IGSF21: variants seen among roughly 807,000 people sequenced by gnomAD.
IGSF21 encodes immunoglobin superfamily member 21.
A neutral mutation model predicts 46.8 loss-of-function variants in IGSF21; 28 were observed. That is an observed-to-expected ratio of 0.60 (90% confidence interval 0.44 to 0.82). IGSF21 has a LOEUF of 0.82. Ranked by LOEUF, IGSF21 falls within the 40% of genes least tolerant of loss-of-function variation. The pLI, the probability that IGSF21 is intolerant of heterozygous loss-of-function variation, is 0.00. For synonymous variants in IGSF21, 284 were observed against 273.6 expected (o/e 1.04, Z -0.38); for missense variants, 624 against 665.5 (o/e 0.94, Z 0.69).
chr1:18,116,959 T>C (rs991010999), intron 1 of IGSF21, among the ~76,000 whole-genome samples: 7 of 152,164 alleles, frequency 4.6e-5, no homozygotes, highest in Non-Finnish European at 7.3e-5. Flanking sequence ...GTGCAGGTCC[T>C]GGTTGAGAAG....
intron 1 of IGSF21, among the ~76,000 whole-genome samples, chr1:18,143,228 C>T (rs2086434478): frequency 1.3e-5 from 2 of 152,178 alleles, no homozygotes; most frequent in Admixed American, 1.3e-4. Context: ...TCATTGGGCC[C>T]TTCTGTCGGG....
At chr1:18,209,885 GC>G (rs2084371750) in intron 1 of IGSF21, among the ~76,000 whole-genome samples, 1 of 151,960 alleles carries the variant, frequency 6.6e-6, no homozygotes, top group African/African-American at 2.4e-5. Flanking sequence ...TTGCCTTGAG[GC>G]CCCAGGCCTT....
At chr1:18,181,290 T>G (rs1257444229) in intron 1 of IGSF21, among the ~76,000 whole-genome samples, 1 of 152,230 alleles carries the variant, frequency 6.6e-6, no homozygotes, top group African/African-American at 2.4e-5. Flanking sequence ...CAAATAGACA[T>G]AAGCCACTGC....
chr1:18,159,149 A>G (rs2086593996), intron 1 of IGSF21, among the ~76,000 whole-genome samples: 1 of 152,178 alleles, frequency 6.6e-6, no homozygotes. Context: ...GTTCTGTTCT[A>G]TTGACCCACT....
intron 2 of IGSF21, among the ~76,000 whole-genome samples, chr1:18,245,198 C>CT (rs1221553744): frequency 6.6e-6 from 1 of 152,036 alleles, no homozygotes; most frequent in Non-Finnish European, 1.5e-5. Flanking sequence ...GATAAATATT[C>CT]TTTTTTGTTA....
chr1:18,158,929 G>T (rs778249481), intron 1 of IGSF21, among the ~76,000 whole-genome samples: 1 of 152,200 alleles, frequency 6.6e-6, no homozygotes, highest in Admixed American at 6.5e-5. Flanking sequence ...GGAGATGGGC[G>T]TTACCCCCAG....
At chr1:18,237,056 A>C (rs1275729040) in intron 2 of IGSF21, among the ~76,000 whole-genome samples, 1 of 152,220 alleles carries the variant, frequency 6.6e-6, no homozygotes, top group Non-Finnish European at 1.5e-5. Flanking sequence ...GCTTCTATTG[A>C]ATCCACTCCT....
At chr1:18,151,417 C>G (rs545367679) in intron 1 of IGSF21, among the ~76,000 whole-genome samples, 1 of 152,298 alleles carries the variant, frequency 6.6e-6, no homozygotes, top group South Asian at 2.1e-4. Flanking sequence ...CCGCTGGATC[C>G]TCTGTATTCA....
intron 1 of IGSF21, among the ~76,000 whole-genome samples, chr1:18,126,803 T>TC (rs2086277758): frequency 1.3e-5 from 2 of 151,812 alleles, no homozygotes; most frequent in East Asian, 3.9e-4. Flanking sequence ...TGAGGCTTCC[T>TC]CCCCCCACAC....
At chr1:18,135,409 C>G (rs1027110720) in intron 1 of IGSF21, among the ~76,000 whole-genome samples, 9 of 143,590 alleles carry the variant, frequency 6.3e-5, no homozygotes, top group Non-Finnish European at 1.4e-4. Flanking sequence ...TATCCCTCCC[C>G]CCTCCCCCAA....
intron 1 of IGSF21, among the ~76,000 whole-genome samples, chr1:18,154,946 CTG>C (rs1271685824): frequency 6.6e-6 from 1 of 151,958 alleles, no homozygotes; most frequent in African/African-American, 2.4e-5. Flanking sequence ...GGAGGGCAGA[CTG>C]TGAAGTGCAG....
chr1:18,213,960 T>A (rs2084418164), intron 1 of IGSF21, among the ~76,000 whole-genome samples: 1 of 152,006 alleles, frequency 6.6e-6, no homozygotes, highest in African/African-American at 2.4e-5. Flanking sequence ...CACCCATCCA[T>A]AAAATGGGAA....
intron 1 of IGSF21, among the ~76,000 whole-genome samples, chr1:18,177,427 G>A (rs9662457): frequency 0.35 from 31,918 of 90,092 alleles, 4,255 homozygotes; most frequent in Middle Eastern, 0.44. Context: ...GTGTGTGTGT[G>A]TGTGTGTGTA....
intron 1 of IGSF21, among the ~76,000 whole-genome samples, chr1:18,220,870 T>TGA (rs1397736351): frequency 6.6e-6 from 1 of 152,044 alleles, no homozygotes; most frequent in East Asian, 1.9e-4. Context: ...CCCTGGATGA[T>TGA]GAGTGAGAGG....
chr1:18,119,743 A>C (rs2086218339), intron 1 of IGSF21, among the ~76,000 whole-genome samples: 1 of 133,196 alleles, frequency 7.5e-6, no homozygotes, highest in African/African-American at 2.8e-5. Context: ...CAGAGGGGGC[A>C]AGGCTTTTAA....
At chr1:18,160,367 C>T (rs920549985) in intron 1 of IGSF21, among the ~76,000 whole-genome samples, 7 of 152,144 alleles carry the variant, frequency 4.6e-5, no homozygotes, top group South Asian at 2.1e-4. Flanking sequence ...GCACTTCAAG[C>T]GCTCACAGCA....
chr1:18,172,409 T>C (rs1052332741), intron 1 of IGSF21, among the ~76,000 whole-genome samples: 1 of 152,222 alleles, frequency 6.6e-6, no homozygotes, highest in Non-Finnish European at 1.5e-5. Flanking sequence ...ACACATATCA[T>C]AGACTGTGTG....
intron 2 of IGSF21, among the ~76,000 whole-genome samples, chr1:18,262,963 G>A (rs1455244118): frequency 6.6e-6 from 1 of 152,196 alleles, no homozygotes; most frequent in African/African-American, 2.4e-5. Context: ...CCCCGGGGTA[G>A]CTCCCAGCCC....
intron 1 of IGSF21, among the ~76,000 whole-genome samples, chr1:18,141,451 G>A (rs2086414535): frequency 6.6e-6 from 1 of 152,146 alleles, no homozygotes; most frequent in Admixed American, 6.5e-5. Flanking sequence ...CTGTCATCAA[G>A]TTCTCAGCAG....
Sources: gnomAD v4.1 joint callset for allele counts (sites outside exome capture counted in the v4.1 genomes callset) on GRCh38, gnomAD v4.1.1 for gene constraint, MANE v1.5 for transcripts, NCBI Gene and HGNC (gene_info 2026-07-23, HGNC 2026-07-21) for gene names.